Variants in ACACA observed in about 807,000 individuals in gnomAD.
ACACA encodes the protein acetyl-CoA carboxylase 1.
ACACA carries 103 observed loss-of-function variants against 296.1 expected under a neutral mutation model. The observed-to-expected ratio is 0.35, with a 90% CI of 0.30 to 0.41. The LOEUF is 0.41. Among genes scored for constraint, ACACA ranks in the 10% least tolerant of loss-of-function variants. The pLI, the probability that ACACA is intolerant of heterozygous loss-of-function variation, is 1.00. For synonymous variants in ACACA, 953 were observed against 1,038.6 expected (o/e 0.92, Z 1.58); for missense variants, 1,554 against 2,989.7 (o/e 0.52, Z 11.20).
intron 45 of ACACA, chr17:37,144,297 G>C: frequency 1.7e-6 from 1 of 578,500 alleles, no homozygotes; most frequent in South Asian, 1.7e-5. Flanking sequence ...CCCATGTTTA[G>C]TTGTTTTTCC....
At chr17:37,099,511 T>TGGCGGG (rs2073202302) in intron 52 of ACACA, among the ~76,000 whole-genome samples, 3 of 110,304 alleles carry the variant, frequency 2.7e-5, no homozygotes, top group Admixed American at 2.1e-4. Context: ...GGAGGGCTGA[T>TGGCGGG]AGCAGGAGGG....
chr17:37,097,464 G>A lies in ACACA; in HGVS notation c.6721-298C>T, dbSNP rs188716458. Among the ~76,000 whole-genome samples the A allele has an allele frequency of 3.6e-4, 55 of 152,262 alleles. No individual in the cohort carries two copies. Among genetic ancestry groups the A allele is most frequent in the African/African-American group, 1.2e-3 (51 of 41,556 alleles). The stretch of plus-strand genomic sequence containing the variant: ...CAGATAACCAGACAAGGATAAATTC[G>A]TTTTGAGAAGATGGATCAAACAACT... On this transcript the variant is annotated intron_variant, in intron 53 of 55. Transcript: ENST00000616317. The surrounding 1 kb of genome is among the most constrained non-coding windows in gnomAD (Gnocchi z 4.8).
Position 37,274,273 on chromosome 17 carries a change from C to A in ACACA, c.928G>T (p.Asp310Tyr), listed in dbSNP as rs145479580. The A allele has an allele frequency of 3.5e-5, 56 of 1,614,010 alleles. No homozygotes were observed. The African/African-American group carries it at 6.3e-4, about 18-fold the overall frequency. Residue 310 changes from aspartate to tyrosine, a missense_variant, in exon 9 of 56, where the codon GAT becomes TAT. Around this residue, in one of 16 missense-constraint regions of ACACA, gnomAD observed 47 missense variants for 55.4 expected, o/e 0.85. Transcript: ENST00000616317. The stretch of plus-strand genomic sequence containing the variant: ...ACATTTAAGATACGTTTTGAAAAAT[C>A]ATTTTCCTGCCAGTCCACACGAAGA... ...SGLRVDWQENDFSKRILNVPQ... is the reference protein window; with the variant it reads ...SGLRVDWQENYFSKRILNVPQ...
In ACACA at chr17:37,086,997, G is replaced by A. The variant is rs189795985; in HGVS notation, c.*319C>T. The A allele has an allele frequency of 2.0e-4, 85 of 421,766 alleles. No homozygotes were observed. In the East Asian group the frequency reaches 4.3e-3, roughly 21 times the overall value. 26.1% of individuals were successfully genotyped at this position (421,766 alleles called of 1,614,324 possible). A position where few individuals can be genotyped will look rare whatever the true frequency, so the allele number is the denominator to read the frequency against. ...AGGGGCTGTCAGGACAGGAGGGGCA[G>A]CCCTACTTTGGTTAGTAAGACCTCA... On this transcript the variant is annotated 3_prime_UTR_variant, in exon 56 of 56. Transcript: ENST00000616317.
intron 22 of ACACA, among the ~76,000 whole-genome samples, chr17:37,243,058 C>G (rs1382536140): frequency 6.6e-6 from 1 of 152,088 alleles, no homozygotes; most frequent in African/African-American, 2.4e-5. Flanking sequence ...ATGAATGAAT[C>G]AATCAATCAA....
chr17:37,128,280 T>C (rs182421294), intron 47 of ACACA, among the ~76,000 whole-genome samples: 1 of 152,232 alleles, frequency 6.6e-6, no homozygotes, highest in East Asian at 1.9e-4. Flanking sequence ...ATCACTCAAC[T>C]TCTCTGATTT....
At chr17:37,172,309 C>G (rs1015991996) in intron 41 of ACACA, among the ~76,000 whole-genome samples, 1 of 151,874 alleles carries the variant, frequency 6.6e-6, no homozygotes. Flanking sequence ...ATTTTGCTAT[C>G]AAAAAAATGA....
chr17:37,248,432 A>G (rs1420947972), intron 17 of ACACA, among the ~76,000 whole-genome samples, 161 bp downstream of exon 17: 3 of 152,210 alleles, frequency 2.0e-5, no homozygotes, highest in Non-Finnish European at 2.9e-5. Flanking sequence ...AAAGATTTTC[A>G]TAGAACAACA....
chr17:37,220,946 G>C (rs939485650), intron 29 of ACACA, among the ~76,000 whole-genome samples: 1 of 152,162 alleles, frequency 6.6e-6, no homozygotes, highest in African/African-American at 2.4e-5. Context: ...GGTTAAGATT[G>C]GCTGTGGTAT....
chr17:37,189,322 T>C (rs536231617), intron 38 of ACACA, among the ~76,000 whole-genome samples: 1 of 152,338 alleles, frequency 6.6e-6, no homozygotes, highest in South Asian at 2.1e-4. Flanking sequence ...CTAAAATGCT[T>C]CCTCAACTTC....
At chr17:37,294,185 A>G (rs2083218728) in intron 3 of ACACA, among the ~76,000 whole-genome samples, 1 of 152,136 alleles carries the variant, frequency 6.6e-6, no homozygotes, top group Non-Finnish European at 1.5e-5. Context: ...TAGTTTTATA[A>G]CCTTCTATGC....
intron 3 of ACACA, among the ~76,000 whole-genome samples, chr17:37,285,474 A>G (rs866036472): frequency 2.0e-5 from 3 of 152,300 alleles, no homozygotes; most frequent in Middle Eastern, 6.8e-3. Context: ...ATAATATGCC[A>G]TATTTAATCA....
intron 45 of ACACA, among the ~76,000 whole-genome samples, chr17:37,148,844 A>G (rs1418000555): frequency 6.6e-6 from 1 of 152,084 alleles, no homozygotes; most frequent in Non-Finnish European, 1.5e-5. Context: ...CTGGGAATCT[A>G]GGCATGCCCA....
At chr17:37,391,811 G>T in intron 1 of ACACA, 1 of 1,172,226 alleles carries the variant, frequency 8.5e-7, no homozygotes, top group Non-Finnish European at 1.3e-6. Flanking sequence ...TTTCACACTT[G>T]TATCTTCAGC....
intron 31 of ACACA, among the ~76,000 whole-genome samples, chr17:37,207,438 G>A (rs964378536): frequency 6.6e-5 from 10 of 152,096 alleles, no homozygotes; most frequent in Admixed American, 6.5e-4. Context: ...CTTTTTTTCT[G>A]ACCAGGCCCA....
chr17:37,374,275 CT>C (rs1048769668), intron 1 of ACACA, among the ~76,000 whole-genome samples: 11 of 150,790 alleles, frequency 7.3e-5, no homozygotes, highest in Non-Finnish European at 1.0e-4. Context: ...TCTTTATTCT[CT>C]TTTTTTTCTT....
At chr17:37,339,877 GTTTTT>G (rs745594775) in intron 1 of ACACA, 27 bp from the exon 2 acceptor site, 3 of 940,450 alleles carry the variant, frequency 3.2e-6, no homozygotes, top group African/African-American at 1.6e-5. Context: ...AGATTTTAAG[GTTTTT>G]TTTTTTAAGA....
Position 37,205,774 on chromosome 17 carries a change from G to A in ACACA, c.4047C>T (p.Thr1349=). 3 of 1,613,114 alleles carry A rather than the reference G, an allele frequency of 1.9e-6. No homozygotes were observed. Among genetic ancestry groups the A allele is most frequent in the Non-Finnish European group, 2.5e-6 (3 of 1,179,450 alleles). ...DRLAAMFREF[T]QQNKATLVDH... ...CCAATCAAGAACTTACATTTTGCTG[G>A]GTAAATTCTCTGAACATAGCTGCCA... The change falls in exon 33 of 56, where the codon ACC becomes ACT. Residue 1349 remains threonine (T), a synonymous_variant. Transcript: ENST00000616317.
At chr17:37,236,792 T>G (rs559843914) in intron 24 of ACACA, among the ~76,000 whole-genome samples, 1 of 152,204 alleles carries the variant, frequency 6.6e-6, no homozygotes, top group African/African-American at 2.4e-5. Context: ...ACCACTGCAC[T>G]CCAGCTTGGG....
Sources: gnomAD v4.1 joint callset for allele counts (sites outside exome capture counted in the v4.1 genomes callset) on GRCh38, gnomAD v4.1.1 for gene constraint, gnomAD v4.1.1 regional missense constraint, Gnocchi (gnomAD v3.1) non-coding constraint, MANE v1.5 for transcripts, NCBI Gene and HGNC (gene_info 2026-07-23, HGNC 2026-07-21) for gene names.